COX7A2L: variants seen among roughly 807,000 people sequenced by gnomAD.
The protein encoded by COX7A2L is cytochrome c oxidase subunit 7A2 like.
COX7A2L carries 18 observed loss-of-function variants against 14.2 expected under a neutral mutation model. That is an observed-to-expected ratio of 1.27 (90% confidence interval 0.88 to 1.88). The LOEUF (loss-of-function observed/expected upper bound fraction) is 1.88, where lower values mean the gene tolerates loss of function less well. COX7A2L is among the 40% of genes most tolerant of loss of function. The pLI, the probability that COX7A2L is intolerant of heterozygous loss-of-function variation, is 0.00. For missense variants in COX7A2L, 179 were observed against 138.8 expected (o/e 1.29, Z -1.46); for synonymous variants, 65 against 57.4 (o/e 1.13, Z -0.60).
At position 42,339,727 on chromosome 2, in the gene COX7A2L, A is replaced by G. The variant is rs1174834977; in HGVS notation, c.193-5858T>C. The stretch of plus-strand genomic sequence containing the variant: ...AGCCACCCCTGGAGGAAGACCTGGG[A>G]TGCTGCCAGCACTCAGAAGTCGGCC... On this transcript the variant is annotated intron_variant, in intron 2 of 2. Coordinates refer to the COX7A2L transcript ENST00000468711. This position sits in a 1 kb window ranked among gnomAD's most constrained non-coding sequence, Gnocchi z 5.4. 6.6e-6 allele frequency among the ~76,000 whole-genome samples: 1 copy of G among 152,178 alleles called. No individual in the cohort carries two copies. The highest frequency in any genetic ancestry group is 1.5e-5 in the Non-Finnish European group (1 of 68,024).
At chr2:42,353,821 A>G (rs1670727960) in intron 1 of COX7A2L, among the ~76,000 whole-genome samples, 1 of 152,258 alleles carries the variant, frequency 6.6e-6, no homozygotes, top group East Asian at 1.9e-4. Context: ...ACCAGAAAAC[A>G]AAATCAAAAC....
chr2:42,362,797 A>G (rs1671087508), upstream of COX7A2L, among the ~76,000 whole-genome samples: 1 of 152,178 alleles, frequency 6.6e-6, no homozygotes, highest in Non-Finnish European at 1.5e-5. Flanking sequence ...TATAATGGAA[A>G]GAACATGCAA....
chr2:42,353,433 G>C (rs574005658), intron 1 of COX7A2L, 90 bp from the exon 2 acceptor site: 1 of 1,522,824 alleles, frequency 6.6e-7, no homozygotes, highest in East Asian at 2.3e-5. Flanking sequence ...CTACGAGAGA[G>C]CAAGAAAGTC....
At position 42,353,295 on chromosome 2, in the gene COX7A2L, T is replaced by C. The variant is rs756765504; in HGVS notation, c.121A>G (p.Thr41Ala). 5 of 1,614,000 alleles carry C rather than the reference T, an allele frequency of 3.1e-6. No homozygotes were observed. Among genetic ancestry groups the C allele is most frequent in the Non-Finnish European group, 4.2e-6 (5 of 1,180,006 alleles). Residue 41 changes from threonine (T) to alanine (A), a missense_variant, in exon 2 of 3, where the codon ACA becomes GCA. Coordinates refer to ENST00000234301, the MANE Select transcript of COX7A2L (RefSeq NM_004718.4). ...STEAPPIIFATPTKLTSDSTV... is the reference protein window; with the variant it reads ...STEAPPIIFAAPTKLTSDSTV... Reference sequence around the variant, plus strand: ...GAATCGGAGGTCAGTTTAGTTGGTGTGGCAAATATGATAGGTGGTGCTTCT... The same window carrying C: ...GAATCGGAGGTCAGTTTAGTTGGTGCGGCAAATATGATAGGTGGTGCTTCT...
upstream of COX7A2L, chr2:42,361,290 T>A (rs894307802): frequency 9.7e-6 from 8 of 822,208 alleles, no homozygotes; most frequent in African/African-American, 1.2e-4. Context: ...TGCCCGAAGA[T>A]CGCCTAACTT....
Position 42,351,275 on chromosome 2 carries a change from C to A in COX7A2L, c.289G>T (p.Gly97Trp). Reference protein sequence around the residue: ...YRTTMALTVGGTIYCLIALYM... With the variant: ...YRTTMALTVGWTIYCLIALYM... The stretch of plus-strand genomic sequence containing the variant: ...AGGGCGATCAGGCAGTAGATGGTCC[C>A]TCCCACAGTCAGCGCCATGGTGGTC... Residue 97 changes from glycine (G) to tryptophan (W), a missense_variant, in exon 3 of 3, where the codon GGG (glycine) becomes TGG (tryptophan). Transcript: ENST00000234301. 3.1e-6 allele frequency: 5 copies of A among 1,614,200 alleles called. No individual in the cohort carries two copies. Among genetic ancestry groups the A allele is most frequent in the Non-Finnish European group, 4.2e-6 (5 of 1,180,040 alleles).
At position 42,338,699 on chromosome 2, in the gene COX7A2L, G is replaced by A. The variant is rs1670338771; in HGVS notation, c.193-4830C>T. On this transcript the variant is annotated intron_variant, in intron 2 of 2. Coordinates refer to the COX7A2L transcript ENST00000468711. This position sits in a 1 kb window ranked among gnomAD's most constrained non-coding sequence, Gnocchi z 4.4. ...CGAGGGGCCAGTGAGGAATCTGACAGCAGGACTCTAACCACTGGCTACGGT... is the reference window on the plus strand; with the variant it reads ...CGAGGGGCCAGTGAGGAATCTGACAACAGGACTCTAACCACTGGCTACGGT... Among the ~76,000 whole-genome samples the A allele has an allele frequency of 2.0e-5, 3 of 152,288 alleles. No homozygotes were observed. The East Asian group carries it at 5.8e-4, about 29-fold the overall frequency.
At chr2:42,357,127 C>T (rs954373718) in intron 1 of COX7A2L, among the ~76,000 whole-genome samples, 1 of 152,174 alleles carries the variant, frequency 6.6e-6, no homozygotes, top group Non-Finnish European at 1.5e-5. Flanking sequence ...ACATGATTTT[C>T]CCTCTAAAAG....
chr2:42,353,138 GA>G, intron 2 of COX7A2L, 73 bp downstream of exon 2: 1 of 1,530,984 alleles, frequency 6.5e-7, no homozygotes, highest in Non-Finnish European at 8.9e-7. Context: ...ACTAGATTAA[GA>G]TTTAGTTTCA....
At chr2:42,368,423 T>A (rs189948048) in intron 1 of COX7A2L, among the ~76,000 whole-genome samples, 21 of 152,334 alleles carry the variant, frequency 1.4e-4, no homozygotes, top group Non-Finnish European at 5.9e-5. Flanking sequence ...ATAACACAGG[T>A]AACAGTTGAA....
At chr2:42,336,737 G>A (rs1670282163) in intron 2 of COX7A2L, among the ~76,000 whole-genome samples, 1 of 152,210 alleles carries the variant, frequency 6.6e-6, no homozygotes, top group Non-Finnish European at 1.5e-5. Context: ...ATGCCTTACA[G>A]CAGCTCCTCT....
At chr2:42,341,074 C>T (rs1414003528) in intron 2 of COX7A2L, among the ~76,000 whole-genome samples, 1 of 152,178 alleles carries the variant, frequency 6.6e-6, no homozygotes, top group African/African-American at 2.4e-5. Context: ...GTGTCACATC[C>T]ATAATCAATG....
intron 1 of COX7A2L, among the ~76,000 whole-genome samples, chr2:42,354,296 T>G (rs1385713860): frequency 6.6e-6 from 1 of 152,102 alleles, no homozygotes; most frequent in Non-Finnish European, 1.5e-5. Context: ...GGATCTCTGG[T>G]TTTTTTATCT....
rs1030541195 is a variant in COX7A2L at position 42,342,930 on chromosome 2, G to T, written c.193-9061C>A. Among the ~76,000 whole-genome samples, 1 of 152,026 alleles carries T rather than the reference G, an allele frequency of 6.6e-6. No homozygotes were observed. Among genetic ancestry groups the T allele is most frequent in the Non-Finnish European group, 1.5e-5 (1 of 67,990 alleles). On this transcript the variant is annotated intron_variant, in intron 2 of 2. Transcript: ENST00000468711. The surrounding 1 kb of genome is among the most constrained non-coding windows in gnomAD (Gnocchi z 4.9). Reference sequence around the variant, plus strand: ...TGCAGCAGTGCCGCACCCGGGCACCGTGGAGCCACAGAGGTCAGGAGGCCT... The same window carrying T: ...TGCAGCAGTGCCGCACCCGGGCACCTTGGAGCCACAGAGGTCAGGAGGCCT...
chr2:42,359,871 T>G, intron 1 of COX7A2L: 1 of 148,470 alleles, frequency 6.7e-6, no homozygotes, highest in Non-Finnish European at 1.5e-5. Context: ...AAACTTGCCC[T>G]TCTTATCTGA....
rs748436653 is a variant in COX7A2L, at chr2:42,361,173, T to A, written c.-12A>T. 4 of 1,603,310 alleles carry A rather than the reference T, an allele frequency of 2.5e-6. No homozygotes were observed. In the South Asian group the frequency reaches 4.5e-5, roughly 18 times the overall value. On this transcript the variant is annotated 5_prime_UTR_variant, in exon 1 of 3. Coordinates refer to ENST00000234301, the MANE Select transcript of COX7A2L (RefSeq NM_004718.4). The stretch of plus-strand genomic sequence containing the variant: ...AACTTGTAGTACATGACGCCCAGAG[T>A]CCGGCTTCCCGCATCCGCTGCCAAC...
intron 1 of COX7A2L, among the ~76,000 whole-genome samples, chr2:42,354,196 TA>T (rs1210162535): frequency 2.6e-5 from 4 of 152,296 alleles, no homozygotes; most frequent in African/African-American, 4.8e-5. Context: ...GTGAATACAC[TA>T]AAAAACCCTA....
At chr2:42,353,158 T>G in intron 2 of COX7A2L, 54 bp downstream of exon 2, 1 of 1,584,524 alleles carries the variant, frequency 6.3e-7, no homozygotes, top group East Asian at 2.2e-5. Flanking sequence ...CATAAGGGAT[T>G]TTTTAAGCCT....
At chr2:42,345,467 A>C (rs112871514), downstream of COX7A2L, among the ~76,000 whole-genome samples, 491 of 151,184 alleles carry the variant, frequency 3.2e-3, 1 homozygote, top group Middle Eastern at 6.8e-3. Flanking sequence ...AAAAACCTCT[A>C]AATTGCAAAA....
Sources: allele counts gnomAD v4.1 joint callset (sites outside exome capture counted in the v4.1 genomes callset), GRCh38; gene constraint gnomAD v4.1.1; non-coding constraint Gnocchi (gnomAD v3.1); transcripts MANE v1.5; gene names NCBI Gene and HGNC (gene_info 2026-07-23, HGNC 2026-07-21).